The following GLIS3 variants were observed in gnomAD, a reference collection of about 807,000 sequenced individuals.
The protein encoded by GLIS3 is GLIS family zinc finger 3, also known as zinc finger protein GLIS3.
GLIS3 carries 53 observed loss-of-function variants against 78.6 expected under a neutral mutation model. That is an observed-to-expected ratio of 0.67 (90% CI 0.54 to 0.85). The LOEUF is 0.85. Ranked by LOEUF, GLIS3 falls within the 40% of genes least tolerant of loss-of-function variation. The pLI is 0.00. For missense variants in GLIS3, 1,703 were observed against 1,231.1 expected (o/e 1.38, Z -5.74); for synonymous variants, 684 against 509.9 (o/e 1.34, Z -4.60).
intron 2 of GLIS3, among the ~76,000 whole-genome samples, chr9:4,335,056 C>A (rs1817738942): frequency 6.6e-6 from 1 of 151,964 alleles, no homozygotes; most frequent in African/African-American, 2.4e-5. Flanking sequence ...CTACAGGCGC[C>A]CGCCACTATA....
the GLIS3 span, among the ~76,000 whole-genome samples, chr9:4,468,958 G>T: frequency 6.6e-6 from 1 of 151,870 alleles, no homozygotes; most frequent in South Asian, 2.1e-4. Context: ...CAAGCAAATG[G>T]AAAGCAAAAA....
intron 2 of GLIS3, among the ~76,000 whole-genome samples, chr9:4,338,506 G>A (rs922243936): frequency 3.3e-5 from 5 of 151,910 alleles, no homozygotes; most frequent in Admixed American, 6.6e-5. Context: ...AACCTATGAG[G>A]TACTGTTCAT....
chr9:4,256,517 A>C (rs1324874327), intron 2 of GLIS3, among the ~76,000 whole-genome samples: 1 of 152,192 alleles, frequency 6.6e-6, no homozygotes, highest in African/African-American at 2.4e-5. Flanking sequence ...TGAGCATCCT[A>C]AAGGACACTT....
intron 2 of GLIS3, among the ~76,000 whole-genome samples, chr9:4,143,650 T>C (rs994281005): frequency 6.6e-6 from 1 of 152,212 alleles, no homozygotes; most frequent in African/African-American, 2.4e-5. Flanking sequence ...GGTCACCACA[T>C]TGTGCATGAG....
chr9:3,927,220 A>G (rs770743276), intron 6 of GLIS3, among the ~76,000 whole-genome samples: 33 of 152,224 alleles, frequency 2.2e-4, no homozygotes, highest in Non-Finnish European at 2.9e-4. Flanking sequence ...TACTCAATAA[A>G]TATCTGTTGA....
intron 4 of GLIS3, among the ~76,000 whole-genome samples, chr9:4,038,539 C>A (rs1824526397): frequency 6.6e-6 from 1 of 152,188 alleles, no homozygotes. Context: ...TCCCAGGCCT[C>A]AACAGGCCAC....
rs1217504534 is a variant in GLIS3 at position 3,824,906 on chromosome 9, T to G, written c.*3366A>C. ...TCTCCAATGAGTGCTTTTTTTTTTT[T>G]GCTTCATCTGTTGCAAAAAAAAAAA... On this transcript the variant is annotated 3_prime_UTR_variant, in exon 11 of 11. Coordinates refer to ENST00000381971, the MANE Select transcript of GLIS3 (RefSeq NM_001042413.2). 2 of 133,948 alleles carry G rather than the reference T, an allele frequency of 1.5e-5. No homozygotes were observed. Among genetic ancestry groups the G allele is most frequent in the Non-Finnish European group, 3.2e-5 (2 of 62,710 alleles). 8.3% of individuals were successfully genotyped at this position (133,948 alleles called of 1,614,324 possible). A position where few individuals can be genotyped will look rare whatever the true frequency, so the allele number is the denominator to read the frequency against.
chr9:4,451,870 A>G, the GLIS3 span, among the ~76,000 whole-genome samples: 1 of 151,638 alleles, frequency 6.6e-6, no homozygotes, highest in African/African-American at 2.4e-5. Context: ...GGAAATTTAT[A>G]GCACTAAATG....
At position 3,976,217 on chromosome 9, in the gene GLIS3, A is replaced by AT. The variant is rs554407323; in HGVS notation, c.1711-39029dup. On this transcript the variant is annotated intron_variant, in intron 4 of 10. Coordinates refer to ENST00000381971, the MANE Select transcript of GLIS3 (RefSeq NM_001042413.2). ...CAGTTGCCTTCACATCAACATGTGA[A>AT]TTTTTTTTTTCTTTTAATAATGAAG... Among the ~76,000 whole-genome samples the AT allele has an allele frequency of 2.7e-3, 407 of 150,784 alleles. 2 individuals carry two copies. Among genetic ancestry groups the AT allele is most frequent in the African/African-American group, 9.1e-3 (373 of 41,102 alleles).
intron 2 of GLIS3, among the ~76,000 whole-genome samples, chr9:4,221,926 A>T (rs1044977449): frequency 3.3e-5 from 5 of 152,196 alleles, no homozygotes; most frequent in Non-Finnish European, 7.3e-5. Context: ...CTTATTTAAG[A>T]GTCTGGGCTC....
chr9:4,355,132 G>C, the GLIS3 span, among the ~76,000 whole-genome samples: 2 of 145,282 alleles, frequency 1.4e-5, no homozygotes, highest in South Asian at 2.2e-4. Context: ...ACTCCATCTC[G>C]AAAAAAAAAA....
the GLIS3 span, among the ~76,000 whole-genome samples, chr9:4,385,985 G>A: frequency 6.6e-6 from 1 of 152,138 alleles, no homozygotes; most frequent in Non-Finnish European, 1.5e-5. Context: ...AATATATTGA[G>A]ATCCCTATTC....
intron 2 of GLIS3, among the ~76,000 whole-genome samples, chr9:4,217,492 A>G (rs1272498004): frequency 6.6e-6 from 1 of 152,232 alleles, no homozygotes; most frequent in East Asian, 1.9e-4. Flanking sequence ...AGTATACAGC[A>G]TGGACTACTG....
At chr9:4,095,348 T>A (rs1369955616) in intron 4 of GLIS3, among the ~76,000 whole-genome samples, 1 of 152,190 alleles carries the variant, frequency 6.6e-6, no homozygotes, top group Non-Finnish European at 1.5e-5. Flanking sequence ...GAGATAGTAA[T>A]GAAGGGGTTT....
At chr9:4,419,981 G>C in the GLIS3 span, among the ~76,000 whole-genome samples, 1 of 152,132 alleles carries the variant, frequency 6.6e-6, no homozygotes, top group Non-Finnish European at 1.5e-5. Flanking sequence ...GTATTACCCA[G>C]GTTGAGCACC....
At chr9:4,246,046 T>C (rs926998409) in intron 2 of GLIS3, among the ~76,000 whole-genome samples, 7 of 152,280 alleles carry the variant, frequency 4.6e-5, no homozygotes, top group Non-Finnish European at 1.0e-4. Flanking sequence ...AGGACCCATT[T>C]CATTCATGAG....
the GLIS3 span, among the ~76,000 whole-genome samples, chr9:4,368,422 G>A: frequency 7.3e-5 from 11 of 150,142 alleles, no homozygotes; most frequent in South Asian, 4.2e-4. Flanking sequence ...TCTGCTCACT[G>A]CAAGCTCCGC....
At chr9:4,143,348 C>T (rs1160844452) in intron 2 of GLIS3, among the ~76,000 whole-genome samples, 1 of 152,002 alleles carries the variant, frequency 6.6e-6, no homozygotes, top group Non-Finnish European at 1.5e-5. Flanking sequence ...GGGCAGATCA[C>T]CCGAGGTCAG....
At chr9:4,488,748 C>A in the GLIS3 span, among the ~76,000 whole-genome samples, 1 of 152,156 alleles carries the variant, frequency 6.6e-6, no homozygotes, top group South Asian at 2.1e-4. Flanking sequence ...GAACTCTTGA[C>A]CTCAAGTGAT....
Sources: allele counts gnomAD v4.1 joint callset (sites outside exome capture counted in the v4.1 genomes callset), GRCh38; gene constraint gnomAD v4.1.1; transcripts MANE v1.5; gene names NCBI Gene and HGNC (gene_info 2026-07-23, HGNC 2026-07-21).